The following LILRB1 variants were observed in gnomAD, a reference collection of about 807,000 sequenced individuals.
LILRB1 encodes the protein leukocyte immunoglobulin like receptor B1, also known as leukocyte immunoglobulin-like receptor subfamily B member 1.
In LILRB1, 59 loss-of-function variants were observed where a neutral mutation model predicts 74.6. The observed-to-expected ratio is 0.79, with a 90% confidence interval of 0.64 to 0.98. LILRB1 has a LOEUF of 0.98. LILRB1 is among the 50% of genes least tolerant of loss of function. LILRB1 has a pLI of 0.00. For missense variants in LILRB1, 804 were observed against 822.6 expected (o/e 0.98, Z 0.28); for synonymous variants, 328 against 333.9 (o/e 0.98, Z 0.19).
At position 54,636,528 on chromosome 19, in the gene LILRB1, C is replaced by T. The variant is rs375960208; in HGVS notation, c.1688C>T (p.Thr563Met). ...CACGATGAAGACCCCCAGGCAGTGA[C>T]GTATGCCGAGGTGAAACACTCCAGA... ...SPHDEDPQAVTYAEVKHSRPR... is the reference protein window; with the variant it reads ...SPHDEDPQAVMYAEVKHSRPR... Residue 563 changes from threonine (T) to methionine (M), a missense_variant, in exon 14 of 15, where the codon ACG becomes ATG. Thr to Met is a moderately conservative substitution (Grantham distance 81, BLOSUM62 -1). Coordinates refer to ENST00000324602, the MANE Select transcript of LILRB1 (RefSeq NM_001081637.3). 18 of 1,611,718 alleles carry T rather than the reference C, an allele frequency of 1.1e-5. No individual in the cohort carries two copies. The highest frequency in any genetic ancestry group is 9.4e-5 in the African/African-American group (7 of 74,772).
chr19:54,636,975 T>G lies in LILRB1; in HGVS notation c.*97T>G. The stretch of plus-strand genomic sequence containing the variant: ...CATTGGACCCCACCCAGCCTGGATC[T>G]ACCCCAGGAGACTCTGGGAACTTTT... On this transcript the variant is annotated 3_prime_UTR_variant, in exon 15 of 15. Transcript: ENST00000324602. 6.6e-7 allele frequency: 1 copy of G among 1,514,018 alleles called. No homozygotes were observed. Among genetic ancestry groups the G allele is most frequent in the South Asian group, 1.2e-5 (1 of 82,908 alleles). The allele number at this position is 1,514,018 out of a possible 1,614,324, so 93.8% of individuals were successfully genotyped here. A position where few individuals can be genotyped will look rare whatever the true frequency, so the allele number is the denominator to read the frequency against.
At chr19:54,629,936 C>T (rs1179699226), upstream of LILRB1, among the ~76,000 whole-genome samples, 1 of 150,160 alleles carries the variant, frequency 6.7e-6, no homozygotes, top group Non-Finnish European at 1.5e-5. Context: ...CCATTAGGGT[C>T]AGATGTGAGA....
rs761211353 is a variant in LILRB1, at chr19:54,632,745, G to A, written c.943G>A (p.Asp315Asn). The change falls in exon 6 of 15, where the codon GAC (aspartate) becomes AAC (asparagine). Residue 315 changes from aspartate to asparagine, a missense_variant. By Grantham distance (23) the Asp-to-Asn change is conservative. Transcript: ENST00000324602. Reference protein sequence around the residue: ...SEWSAPSDPLDILIAGQFYDR... With the variant: ...SEWSAPSDPLNILIAGQFYDR... ...GTGGTCGGCCCCCAGCGACCCCCTG[G>A]ACATCCTGATCGCAGGTGAGGAGCC... 3.6e-5 allele frequency: 58 copies of A among 1,611,996 alleles called. No homozygotes were observed. Among genetic ancestry groups the A allele is most frequent in the Admixed American group, 8.3e-5 (5 of 59,990 alleles).
chr19:54,636,113 G>A (rs1418109733), intron 13 of LILRB1: 3 of 562,666 alleles, frequency 5.3e-6, no homozygotes, highest in Non-Finnish European at 1.0e-5. Flanking sequence ...GGCAGAGAGT[G>A]TGGGGCAGTG....
In LILRB1 at chr19:54,636,903, A is replaced by T; in HGVS notation, c.*25A>T. On this transcript the variant is annotated 3_prime_UTR_variant, in exon 15 of 15. Coordinates refer to ENST00000324602, the MANE Select transcript of LILRB1 (RefSeq NM_001081637.3). ...GCCCAGGGGGGGACGCAGACCCCAC[A>T]CTCCATGGAGTCTGGAATGCATGGG... The T allele has an allele frequency of 6.2e-7, 1 of 1,612,688 alleles. No homozygotes were observed. The highest frequency in any genetic ancestry group is 8.5e-7 in the Non-Finnish European group (1 of 1,179,196).
chr19:54,636,103 G>T (rs1483084467), intron 13 of LILRB1: 2 of 562,092 alleles, frequency 3.6e-6, no homozygotes, highest in Non-Finnish European at 7.0e-6. Flanking sequence ...CCAGAGAAAG[G>T]GCAGAGAGTG....
upstream of LILRB1, among the ~76,000 whole-genome samples, chr19:54,627,512 T>C (rs1390016026): frequency 6.6e-6 from 1 of 152,196 alleles, no homozygotes; most frequent in Non-Finnish European, 1.5e-5. Flanking sequence ...CCCTTCCATG[T>C]CCTTCACCCC....
At chr19:54,628,244 G>A (rs2146212133), upstream of LILRB1, among the ~76,000 whole-genome samples, 1 of 152,330 alleles carries the variant, frequency 6.6e-6, no homozygotes, top group African/African-American at 2.4e-5. Context: ...TGCTTGCTTG[G>A]ACCAGTATAA....
At chr19:54,631,186 C>T in intron 2 of LILRB1, 79 bp downstream of exon 2, 1 of 1,613,978 alleles carries the variant, frequency 6.2e-7, no homozygotes, top group Non-Finnish European at 8.5e-7. Flanking sequence ...CCTAAGGAGA[C>T]CCCAGGGGCT....
Position 54,631,751 on chromosome 19 carries a change from T to A in LILRB1, c.322T>A (p.Ser108Thr). Reference sequence around the variant, plus strand: ...CTATGGTAGCGACACTGCAGGCCGCTCAGAGAGCAGTGACCCCCTGGAGCT... The same window carrying A: ...CTATGGTAGCGACACTGCAGGCCGCACAGAGAGCAGTGACCCCCTGGAGCT... ...CYYGSDTAGR[S>T]ESSDPLELVV... Residue 108 changes from serine (S) to threonine (T), a missense_variant, in exon 4 of 15, where the codon TCA (serine) becomes ACA (threonine). Transcript: ENST00000324602. The A allele has an allele frequency of 6.2e-7, 1 of 1,614,262 alleles. No homozygotes were observed. The highest frequency in any genetic ancestry group is 8.5e-7 in the Non-Finnish European group (1 of 1,180,034).
At chr19:54,635,891 C>A (rs113645220) in intron 13 of LILRB1, 174 of 642,500 alleles carry the variant, frequency 2.7e-4, no homozygotes, top group African/African-American at 1.7e-3. Context: ...AAATGAACCA[C>A]CCCGGTCCCC....
rs1377969631 is a variant in LILRB1 at position 54,625,287 on chromosome 19, A to G, written c.-165-5230A>G. 2.7e-5 allele frequency among the ~76,000 whole-genome samples: 4 copies of G among 150,062 alleles called. No homozygotes were observed. In the East Asian group the frequency reaches 7.8e-4, roughly 29 times the overall value. ...TTCGCAGGAAGCAACAGAGGTGGGC[A>G]GCTGTGTGGTGCTCAGCTTGGCTGC... On this transcript the variant is annotated intron_variant, in intron 1 of 15. Transcript: ENST00000396331.
Position 54,633,650 on chromosome 19 carries a change from G to T in LILRB1, c.1274G>T (p.Gly425Val), listed in dbSNP as rs745419867. The T allele has an allele frequency of 6.2e-7, 1 of 1,613,518 alleles. No homozygotes were observed. Among genetic ancestry groups the T allele is most frequent in the Non-Finnish European group, 8.5e-7 (1 of 1,179,798 alleles). Residue 425 changes from glycine (G) to valine (V), a missense_variant, in exon 8 of 15, where the codon GGC becomes GTC. Coordinates refer to ENST00000324602, the MANE Select transcript of LILRB1 (RefSeq NM_001081637.3). Reference protein sequence around the residue: ...LELVVSGPSGGPSSPTTGPTS... With the variant: ...LELVVSGPSGVPSSPTTGPTS... Reference sequence around the variant, plus strand: ...TTCTTTTACCCAGGACCGTCTGGGGGCCCCAGCTCCCCGACAACAGGCCCC... The same window carrying T: ...TTCTTTTACCCAGGACCGTCTGGGGTCCCCAGCTCCCCGACAACAGGCCCC...
chr19:54,623,088 C>T (rs2063495218), intron 1 of LILRB1, among the ~76,000 whole-genome samples: 1 of 152,142 alleles, frequency 6.6e-6, no homozygotes, highest in South Asian at 2.1e-4. Context: ...AGGATTTTTG[C>T]ACCTGTGTTC....
intron 13 of LILRB1, chr19:54,636,032 G>A (rs2064377815): frequency 1.8e-6 from 1 of 543,486 alleles, no homozygotes; most frequent in African/African-American, 1.9e-5. Context: ...CTCGTGGTGG[G>A]AGACAAAATG....
Position 54,630,525 on chromosome 19 carries a change from G to A in LILRB1, c.-157G>A, listed in dbSNP as rs898315869. 14 of 522,200 alleles carry A rather than the reference G, an allele frequency of 2.7e-5. No homozygotes were observed. The highest frequency in any genetic ancestry group is 4.7e-5 in the Non-Finnish European group (13 of 275,984). The allele number at this position is 522,200 out of a possible 1,614,324, so 32.3% of individuals were successfully genotyped here. A position where few individuals can be genotyped will look rare whatever the true frequency, so the allele number is the denominator to read the frequency against. ...CTCACTGCCACACGCAGCTCAGCCT[G>A]GGCGGCACAGCCAGATGCGAGATGC... On this transcript the variant is annotated 5_prime_UTR_variant, in exon 1 of 15. Coordinates refer to ENST00000324602, the MANE Select transcript of LILRB1 (RefSeq NM_001081637.3).
At chr19:54,634,873 A>G in intron 10 of LILRB1, 110 bp downstream of exon 10, 2 of 1,528,672 alleles carry the variant, frequency 1.3e-6, no homozygotes, top group Non-Finnish European at 1.8e-6. Flanking sequence ...CTGTTCCAGC[A>G]TTTCTCACCA....
At chr19:54,617,369 G>A (rs7246537) in intron 1 of LILRB1, 74,024 of 151,864 alleles carry the variant, frequency 0.49, 18,840 homozygotes, top group South Asian at 0.58. Context: ...CCCTAATGGC[G>A]GCTTGCACGC....
Position 54,633,691 on chromosome 19 carries a change from G to C in LILRB1, c.1312+3G>C. On this transcript the variant is annotated splice_donor_region_variant and intron_variant, in intron 8 of 14. Coordinates refer to ENST00000324602, the MANE Select transcript of LILRB1 (RefSeq NM_001081637.3). ...AACAGGCCCCACCTCCACATCTGGT[G>C]AGTCCCTGAGGCTTCTGAACTCAAG... The C allele has an allele frequency of 6.2e-7, 1 of 1,613,586 alleles. No individual in the cohort carries two copies. Among genetic ancestry groups the C allele is most frequent in the East Asian group, 2.2e-5 (1 of 44,842 alleles).
Sources: allele counts gnomAD v4.1 joint callset (sites outside exome capture counted in the v4.1 genomes callset), GRCh38; gene constraint gnomAD v4.1.1; transcripts MANE v1.5; gene names NCBI Gene and HGNC (gene_info 2026-07-23, HGNC 2026-07-21).